Variants in LTA4H observed in about 807,000 individuals in gnomAD.
LTA4H encodes the protein leukotriene A4 hydrolase.
Under a neutral mutation model 89.8 loss-of-function variants are expected in LTA4H, and 59 were observed. That is an observed-to-expected ratio of 0.66 (90% CI 0.53 to 0.82). The LOEUF (loss-of-function observed/expected upper bound fraction) is 0.82, where lower values mean the gene tolerates loss of function less well. Among genes scored for constraint, LTA4H ranks in the 40% least tolerant of loss-of-function variants. The pLI, the probability that LTA4H is intolerant of heterozygous loss-of-function variation, is 0.00. For missense variants in LTA4H, 617 were observed against 727.0 expected (o/e 0.85, Z 1.74); for synonymous variants, 227 against 253.1 (o/e 0.90, Z 0.98).
chr12:96,026,145 C>A (rs1429048165), intron 3 of LTA4H, among the ~76,000 whole-genome samples: 1 of 152,176 alleles, frequency 6.6e-6, no homozygotes, highest in Non-Finnish European at 1.5e-5. Context: ...GGTTCTCTCT[C>A]CCAAAATAGA....
At chr12:96,016,670 G>T (rs1950379911) in intron 10 of LTA4H, among the ~76,000 whole-genome samples, 1 of 151,542 alleles carries the variant, frequency 6.6e-6, no homozygotes, top group Non-Finnish European at 1.5e-5. Flanking sequence ...GGAGGCCAAG[G>T]TGGGTGGATT....
At chr12:96,021,369 A>G (rs1208589203) in intron 5 of LTA4H, among the ~76,000 whole-genome samples, 2 of 152,208 alleles carry the variant, frequency 1.3e-5, no homozygotes, top group African/African-American at 4.8e-5. Context: ...TCTGCTAGGA[A>G]CAAAAGCTTC....
intron 6 of LTA4H, among the ~76,000 whole-genome samples, chr12:96,020,308 G>T (rs1950439121): frequency 1.3e-5 from 2 of 152,180 alleles, no homozygotes; most frequent in Admixed American, 6.5e-5. Context: ...AGGAAATCCT[G>T]TCAGATGCTA....
At position 96,015,652 on chromosome 12, in the gene LTA4H, G is replaced by A. The variant is rs369690251; in HGVS notation, c.990C>T (p.Cys330=). Residue 330 remains cysteine, a synonymous_variant, in exon 11 of 19, where the codon TGC becomes TGT. Coordinates refer to ENST00000228740, the MANE Select transcript of LTA4H (RefSeq NM_000895.3). The part of the protein sequence containing the change: ...GHTVYLERHI[C]GRLFGEKFRH... The stretch of plus-strand genomic sequence containing the variant: ...TGAACTTTTCACCAAACAATCGTCC[G>A]CAAATGTGGCGTTCCAAGTACACAG... 103 of 1,613,720 alleles carry A rather than the reference G, an allele frequency of 6.4e-5. No individual in the cohort carries two copies. The highest frequency in any genetic ancestry group is 1.6e-4 in the Middle Eastern group (1 of 6,084).
At chr12:96,041,503 G>T (rs1157955276) in intron 1 of LTA4H, among the ~76,000 whole-genome samples, 1 of 151,620 alleles carries the variant, frequency 6.6e-6, no homozygotes, top group Non-Finnish European at 1.5e-5. Flanking sequence ...TCCTCTACAT[G>T]CATCAAAACA....
chr12:96,033,706 CT>C (rs1218917234), intron 1 of LTA4H, among the ~76,000 whole-genome samples: 4 of 152,212 alleles, frequency 2.6e-5, no homozygotes, highest in African/African-American at 9.7e-5. Flanking sequence ...TATCCCTCCC[CT>C]AGGCCCCTAC....
rs1950469821 is a variant in LTA4H at position 96,022,827 on chromosome 12, A to T, written c.481-576T>A. Among the ~76,000 whole-genome samples the T allele has an allele frequency of 6.6e-6, 1 of 152,198 alleles. No individual in the cohort carries two copies. Among genetic ancestry groups the T allele is most frequent in the African/African-American group, 2.4e-5 (1 of 41,442 alleles). ...CACCATCCCTGCTCCCGCTACACTC[A>T]CAAAACAGATTCAAAAGGACGTTAT... On this transcript the variant is annotated intron_variant, in intron 4 of 18. Coordinates refer to ENST00000228740, the MANE Select transcript of LTA4H (RefSeq NM_000895.3). The surrounding 1 kb of genome is among the most constrained non-coding windows in gnomAD (Gnocchi z 4.0).
chr12:96,038,256 A>G (rs924990636), upstream of LTA4H, among the ~76,000 whole-genome samples: 1 of 152,208 alleles, frequency 6.6e-6, no homozygotes, highest in Non-Finnish European at 1.5e-5. Context: ...ATATTTCTGG[A>G]TATCCTTGTG....
At chr12:96,019,696 A>C (rs1950429036) in intron 6 of LTA4H, among the ~76,000 whole-genome samples, 1 of 143,676 alleles carries the variant, frequency 7.0e-6, no homozygotes, top group African/African-American at 2.7e-5. Context: ...GGTTCACACC[A>C]TTCTCCTGCC....
At chr12:96,005,311 C>T (rs1463054379) in intron 16 of LTA4H, among the ~76,000 whole-genome samples, 1 of 152,142 alleles carries the variant, frequency 6.6e-6, no homozygotes, top group Non-Finnish European at 1.5e-5. Context: ...CCCTCAAGTC[C>T]GGTACTCCTG....
At chr12:96,007,031 T>G (rs1301233447) in intron 15 of LTA4H, among the ~76,000 whole-genome samples, 4 of 152,148 alleles carry the variant, frequency 2.6e-5, no homozygotes, top group Non-Finnish European at 5.9e-5. Context: ...AACTAGGGCT[T>G]TTGTTACTTT....
Position 96,029,066 on chromosome 12 carries a change from G to A in LTA4H, c.279C>T (p.Ile93=), listed in dbSNP as rs144424811. Residue 93 remains isoleucine (I), a synonymous_variant, in exon 2 of 19, where the codon ATC becomes ATT. Transcript: ENST00000228740. The part of the protein sequence containing the change: ...KGSPMEISLP[I]ALSKNQEIVI... ...CATAACATTCATACTTGCTCAAAGC[G>A]ATAGGAAGAGAGATTTCCATTGGCG... 172 of 1,585,252 alleles carry A rather than the reference G, an allele frequency of 1.1e-4. No individual in the cohort carries two copies. The highest frequency in any genetic ancestry group is 1.8e-4 in the African/African-American group (13 of 73,764).
intron 14 of LTA4H, chr12:96,010,075 G>A (rs1213820051): frequency 2.0e-5 from 3 of 152,168 alleles, no homozygotes; most frequent in Non-Finnish European, 4.4e-5. Flanking sequence ...GAACAGGTGG[G>A]ATCAGAGGTC....
chr12:96,018,932 T>C, intron 7 of LTA4H, 29 bp from the exon 8 acceptor site: 11 of 1,536,028 alleles, frequency 7.2e-6, no homozygotes, highest in South Asian at 1.2e-5. Context: ...TATGTCTGTA[T>C]GCCTTAATTA....
intron 1 of LTA4H, among the ~76,000 whole-genome samples, chr12:96,030,669 C>T (rs2247313): frequency 0.3 from 45,916 of 151,972 alleles, 7,235 homozygotes; most frequent in East Asian, 0.41. Flanking sequence ...CCTGGACTGG[C>T]AGAACTGCTT....
Position 96,026,375 on chromosome 12 carries a change from C to T in LTA4H, c.411+1069G>A, listed in dbSNP as rs192651477. ...AGCTGAAATCTGTTTCCCATATTCC[C>T]ACCATTGCTGCCAATAAGAAATGGA... On this transcript the variant is annotated intron_variant, in intron 3 of 18. Coordinates refer to ENST00000228740, the MANE Select transcript of LTA4H (RefSeq NM_000895.3). Among the ~76,000 whole-genome samples the T allele has an allele frequency of 2.4e-3, 361 of 152,268 alleles. 4 individuals carry two copies. The Middle Eastern group carries it at 0.024, about 10-fold the overall frequency.
At chr12:96,034,124 A>T (rs553155013) in intron 1 of LTA4H, among the ~76,000 whole-genome samples, 5 of 152,310 alleles carry the variant, frequency 3.3e-5, no homozygotes, top group African/African-American at 1.2e-4. Context: ...AAGTAGGAAA[A>T]AGAGGCCTGA....
At chr12:96,042,163 A>T (rs1479049746) in intron 1 of LTA4H, among the ~76,000 whole-genome samples, 4 of 150,758 alleles carry the variant, frequency 2.7e-5, no homozygotes, top group South Asian at 4.2e-4. Context: ...TTGTATTTTT[A>T]GTTTGTTTGT....
intron 14 of LTA4H, chr12:96,009,516 C>G (rs765650771): frequency 1.0e-5 from 2 of 194,420 alleles, no homozygotes; most frequent in Non-Finnish European, 2.1e-5. Context: ...TGAACAACAT[C>G]AAGTCCTTGC....
Sources: allele counts gnomAD v4.1 joint callset (sites outside exome capture counted in the v4.1 genomes callset), GRCh38; gene constraint gnomAD v4.1.1; non-coding constraint Gnocchi (gnomAD v3.1); transcripts MANE v1.5; gene names NCBI Gene and HGNC (gene_info 2026-07-23, HGNC 2026-07-21).